The following WDPCP variants were observed in gnomAD, a reference collection of about 807,000 sequenced individuals.
WDPCP encodes WD repeat-containing and planar cell polarity effector protein fritz homolog.
WDPCP carries 71 observed loss-of-function variants against 93.1 expected under a neutral mutation model. That is an observed-to-expected ratio of 0.76 (90% CI 0.63 to 0.93). WDPCP has a LOEUF of 0.93. Ranked by LOEUF, WDPCP falls within the 40% of genes least tolerant of loss-of-function variation. WDPCP has a pLI of 0.00. For synonymous variants in WDPCP, 315 were observed against 315.0 expected (o/e 1.00, Z 0.00); for missense variants, 844 against 887.4 (o/e 0.95, Z 0.62).
rs541667605 is a variant in WDPCP at position 63,517,236 on chromosome 2, T to A, written c.76-24296A>T. 1.1e-4 allele frequency among the ~76,000 whole-genome samples: 16 copies of A among 152,054 alleles called. No homozygotes were observed. The South Asian group carries it at 2.9e-3, about 28-fold the overall frequency. On this transcript the variant is annotated intron_variant, in intron 1 of 17. Coordinates refer to ENST00000272321, the MANE Select transcript of WDPCP (RefSeq NM_015910.7). ...CCTATAAAAATATAACACTTTTATATGTTCATATATTATGTATAATATTTA... is the reference window on the plus strand; with the variant it reads ...CCTATAAAAATATAACACTTTTATAAGTTCATATATTATGTATAATATTTA...
At chr2:63,531,913 C>T (rs1317105794) in intron 1 of WDPCP, among the ~76,000 whole-genome samples, 5 of 152,018 alleles carry the variant, frequency 3.3e-5, no homozygotes, top group Non-Finnish European at 4.4e-5. Context: ...CAAACTTCTC[C>T]GAGCTAAAGG....
At chr2:63,371,592 A>T (rs1476430793) in intron 12 of WDPCP, among the ~76,000 whole-genome samples, 1 of 151,914 alleles carries the variant, frequency 6.6e-6, no homozygotes, top group African/African-American at 2.4e-5. Context: ...AACTGCTGGG[A>T]TTTAACTAAT....
chr2:63,572,775 G>T (rs898442211), intron 1 of WDPCP, among the ~76,000 whole-genome samples: 21 of 147,060 alleles, frequency 1.4e-4, no homozygotes, highest in Non-Finnish European at 3.1e-4. Flanking sequence ...GCAAAATCAT[G>T]CAATATGAGA....
At chr2:63,371,359 C>T (rs1469378775) in intron 12 of WDPCP, among the ~76,000 whole-genome samples, 1 of 152,156 alleles carries the variant, frequency 6.6e-6, no homozygotes, top group African/African-American at 2.4e-5. Context: ...AATAGCCTCC[C>T]AATGGGTCTC....
chr2:63,773,517 T>C lies in WDPCP; in HGVS notation n.308+40105A>G, dbSNP rs981234704. On this transcript the variant is annotated intron_variant and non_coding_transcript_variant, in intron 2 of 4. Coordinates refer to the WDPCP transcript ENST00000467687. ...CCTTATTTCTTCATCTAAGTAGACATAACATGGATATAACCATTGTATAAA... is the reference window on the plus strand; with the variant it reads ...CCTTATTTCTTCATCTAAGTAGACACAACATGGATATAACCATTGTATAAA... Among the ~76,000 whole-genome samples the C allele has an allele frequency of 5.3e-5, 8 of 152,194 alleles. No homozygotes were observed. In the South Asian group the frequency reaches 1.7e-3, roughly 32 times the overall value.
chr2:63,355,718 A>C (rs2104600246), intron 12 of WDPCP, among the ~76,000 whole-genome samples: 1 of 152,130 alleles, frequency 6.6e-6, no homozygotes, highest in Non-Finnish European at 1.5e-5. Context: ...CCCAACCCCC[A>C]TCTCTACTGA....
intron 3 of WDPCP, among the ~76,000 whole-genome samples, chr2:63,648,429 G>A (rs571000881): frequency 1.3e-5 from 2 of 152,098 alleles, no homozygotes; most frequent in Non-Finnish European, 2.9e-5. Flanking sequence ...TCCTTTTAAA[G>A]TGTATGTCAT....
intron 2 of WDPCP, among the ~76,000 whole-genome samples, chr2:63,755,934 G>C (rs1047393731): frequency 6.6e-6 from 1 of 152,210 alleles, no homozygotes; most frequent in Non-Finnish European, 1.5e-5. Flanking sequence ...TTAGGTCAGA[G>C]ACCAGGTAAT....
At chr2:63,206,896 T>C (rs1314860714) in intron 14 of WDPCP, among the ~76,000 whole-genome samples, 2 of 152,212 alleles carry the variant, frequency 1.3e-5, no homozygotes, top group Non-Finnish European at 2.9e-5. Flanking sequence ...ACTTCAGTAG[T>C]GTTGACTATA....
intron 1 of WDPCP, among the ~76,000 whole-genome samples, chr2:63,516,100 A>C (rs1284231085): frequency 6.6e-6 from 1 of 151,982 alleles, no homozygotes; most frequent in Non-Finnish European, 1.5e-5. Context: ...ATGTAGCTAT[A>C]TTTTTAACAC....
intron 1 of WDPCP, among the ~76,000 whole-genome samples, chr2:63,514,568 T>C: frequency 6.6e-6 from 1 of 152,176 alleles, no homozygotes. Context: ...CATTCCATGA[T>C]GTCACCTGGC....
intron 10 of WDPCP, among the ~76,000 whole-genome samples, chr2:63,391,349 T>C (rs369348216): frequency 3.9e-5 from 6 of 152,302 alleles, no homozygotes; most frequent in East Asian, 1.9e-4. Context: ...CAGCACTTCA[T>C]GATAAAAACT....
intron 2 of WDPCP, chr2:63,751,913 A>T: frequency 7.3e-6 from 5 of 684,188 alleles, no homozygotes; most frequent in Non-Finnish European, 8.1e-6. Context: ...AATCCATTAT[A>T]GCCATCCCCA....
At chr2:63,452,545 C>A (rs1049051832) in intron 6 of WDPCP, among the ~76,000 whole-genome samples, 6 of 152,128 alleles carry the variant, frequency 3.9e-5, no homozygotes, top group Admixed American at 1.3e-4. Flanking sequence ...TCAATGCCAT[C>A]CCCATCAAGC....
At chr2:63,247,747 G>T (rs1473120568) in intron 14 of WDPCP, among the ~76,000 whole-genome samples, 1 of 151,252 alleles carries the variant, frequency 6.6e-6, no homozygotes, top group Non-Finnish European at 1.5e-5. Flanking sequence ...TTCAGACAGT[G>T]AACAGTTAAC....
rs188901569 is a variant in WDPCP at position 63,709,170 on chromosome 2, C to A, written n.309-58332G>T. Among the ~76,000 whole-genome samples, 6 of 44,416 alleles carry A rather than the reference C, an allele frequency of 1.4e-4. 1 individual carries two copies. The highest frequency in any genetic ancestry group is 1.4e-4 in the Non-Finnish European group (3 of 21,202). 29.1% of individuals were successfully genotyped at this position (44,416 alleles called of 152,430 possible). ...ATCACTTGAACCCTGGAGGTGTGAC[C>A]CGGGCTTGGTGATGTATGCCTGTAA... On this transcript the variant is annotated intron_variant and non_coding_transcript_variant, in intron 2 of 4. Transcript: ENST00000467687.
intron 17 of WDPCP, among the ~76,000 whole-genome samples, chr2:63,133,690 G>T (rs1670438229): frequency 6.6e-6 from 1 of 152,154 alleles, no homozygotes; most frequent in Admixed American, 6.5e-5. Context: ...TAAGGTTCCT[G>T]AGGTCTCCTC....
intron 1 of WDPCP, among the ~76,000 whole-genome samples, chr2:63,568,427 TA>T (rs753649203): frequency 6.6e-6 from 1 of 152,110 alleles, no homozygotes; most frequent in Non-Finnish European, 1.5e-5. Context: ...GGGAGATATT[TA>T]TAAAAGTGCA....
chr2:63,170,091 G>A (rs1673275651), intron 15 of WDPCP, among the ~76,000 whole-genome samples: 1 of 149,882 alleles, frequency 6.7e-6, no homozygotes, highest in Admixed American at 6.7e-5. Context: ...ATGAGGTCTC[G>A]CTATGTTGCC....
Sources: gnomAD v4.1 joint callset for allele counts (sites outside exome capture counted in the v4.1 genomes callset) on GRCh38, gnomAD v4.1.1 for gene constraint, MANE v1.5 for transcripts, NCBI Gene and HGNC (gene_info 2026-07-23, HGNC 2026-07-21) for gene names.